The following ROR1 variants were observed in gnomAD, a reference collection of about 807,000 sequenced individuals.
ROR1 encodes inactive tyrosine-protein kinase transmembrane receptor ROR1.
Under a neutral mutation model 78.8 loss-of-function variants are expected in ROR1, and 19 were observed. That is an observed-to-expected ratio of 0.24 (90% CI 0.17 to 0.35). The LOEUF (loss-of-function observed/expected upper bound fraction) is 0.35, where lower values mean the gene tolerates loss of function less well. ROR1 is among the 10% of genes least tolerant of loss of function. ROR1 has a pLI of 1.00. For synonymous variants in ROR1, 386 were observed against 433.6 expected (o/e 0.89, Z 1.36); for missense variants, 917 against 1,177.8 (o/e 0.78, Z 3.24).
At position 64,181,282 on chromosome 1, in the gene ROR1, C is replaced by A. The variant is rs1474910058; in HGVS notation, c.*2427C>A. Reference sequence around the variant, plus strand: ...GGCAATTTTCAGATATCTCACCTTACCATATCTTTCCTTATTTTCACTGCA... The same window carrying A: ...GGCAATTTTCAGATATCTCACCTTAACATATCTTTCCTTATTTTCACTGCA... On this transcript the variant is annotated 3_prime_UTR_variant, in exon 9 of 9. Transcript: ENST00000371079. 1 of 152,096 alleles carries A rather than the reference C, an allele frequency of 6.6e-6. No homozygotes were observed. The highest frequency in any genetic ancestry group is 2.4e-5 in the African/African-American group (1 of 41,436). The allele number at this position is 152,096 out of a possible 1,614,324, so 9.4% of individuals were successfully genotyped here.
chr1:64,090,290 T>C (rs776765552), intron 4 of ROR1, among the ~76,000 whole-genome samples: 34 of 152,106 alleles, frequency 2.2e-4, no homozygotes, highest in Non-Finnish European at 3.2e-4. Flanking sequence ...TGACAGGCCT[T>C]GGGAAAAAAA....
At chr1:63,895,034 T>G (rs1645428591) in intron 1 of ROR1, among the ~76,000 whole-genome samples, 1 of 152,172 alleles carries the variant, frequency 6.6e-6, no homozygotes, top group South Asian at 2.1e-4. Flanking sequence ...ATAAAACATA[T>G]TTGGATGACA....
At position 63,996,273 on chromosome 1, in the gene ROR1, A is replaced by T. The variant is rs537148330; in HGVS notation, c.92-13032A>T. The stretch of plus-strand genomic sequence containing the variant: ...AACAGATAAAATACTGTGGGGTTTC[A>T]GAAGAGGGAGAAATTAAACTAAAAG... On this transcript the variant is annotated intron_variant, in intron 1 of 8. Coordinates refer to ENST00000371079, the MANE Select transcript of ROR1 (RefSeq NM_005012.4). Among the ~76,000 whole-genome samples, 16 of 152,298 alleles carry T rather than the reference A, an allele frequency of 1.1e-4. No homozygotes were observed. The South Asian group carries it at 3.3e-3, about 32-fold the overall frequency.
At chr1:64,096,992 A>G (rs1430498532) in intron 4 of ROR1, among the ~76,000 whole-genome samples, 1 of 152,078 alleles carries the variant, frequency 6.6e-6, no homozygotes, top group Non-Finnish European at 1.5e-5. Context: ...CAATGTAAAC[A>G]ATGATGACAA....
chr1:64,110,408 T>A (rs1569781234), intron 4 of ROR1, among the ~76,000 whole-genome samples: 1 of 152,220 alleles, frequency 6.6e-6, no homozygotes, highest in East Asian at 1.9e-4. Context: ...TCACACAGCC[T>A]ATCAGATATA....
intron 1 of ROR1, among the ~76,000 whole-genome samples, chr1:63,814,650 G>A (rs937808837): frequency 6.6e-6 from 1 of 151,872 alleles, no homozygotes; most frequent in East Asian, 1.9e-4. Context: ...CTCATAAGGA[G>A]CACGCAACTT....
intron 1 of ROR1, among the ~76,000 whole-genome samples, chr1:63,882,606 CA>C (rs1645330443): frequency 6.6e-6 from 1 of 152,092 alleles, no homozygotes; most frequent in Admixed American, 6.5e-5. Flanking sequence ...CTGAAACAAC[CA>C]ATTGTACAAG....
chr1:63,999,138 T>C (rs1281972659), intron 1 of ROR1, among the ~76,000 whole-genome samples: 1 of 152,234 alleles, frequency 6.6e-6, no homozygotes, highest in Non-Finnish European at 1.5e-5. Flanking sequence ...TACAGACGTA[T>C]ACATGGCCAA....
intron 1 of ROR1, among the ~76,000 whole-genome samples, chr1:63,902,367 G>C (rs1053243902): frequency 6.6e-6 from 1 of 151,700 alleles, no homozygotes; most frequent in Non-Finnish European, 1.5e-5. Flanking sequence ...GCCCAGGCAG[G>C]AGGGCAGTGG....
chr1:63,952,934 A>G (rs1340362988), intron 1 of ROR1, among the ~76,000 whole-genome samples: 1 of 152,168 alleles, frequency 6.6e-6, no homozygotes, highest in East Asian at 1.9e-4. Context: ...CTGCATAGCA[A>G]ACACACTGTT....
At chr1:64,022,430 CTAAA>C (rs1646572226) in intron 2 of ROR1, among the ~76,000 whole-genome samples, 1 of 152,154 alleles carries the variant, frequency 6.6e-6, no homozygotes, top group Non-Finnish European at 1.5e-5. Context: ...TAAGAAAACT[CTAAA>C]TAAACAAAAC....
chr1:64,005,632 GGAGTTCAGCTGAGATGT>G (rs1646421626), intron 1 of ROR1, among the ~76,000 whole-genome samples: 1 of 152,116 alleles, frequency 6.6e-6, no homozygotes, highest in African/African-American at 2.4e-5. Flanking sequence ...TGGAATTGAT[GGAGTTCAGCTGAGATGT>G]GCTTGATTTT....
At chr1:63,961,743 TTAGA>T (rs1453353663) in intron 1 of ROR1, among the ~76,000 whole-genome samples, 1 of 151,922 alleles carries the variant, frequency 6.6e-6, no homozygotes, top group Non-Finnish European at 1.5e-5. Flanking sequence ...GAAATTACGG[TTAGA>T]TAGGAGGAAT....
At chr1:63,828,972 C>G (rs1295541016) in intron 1 of ROR1, among the ~76,000 whole-genome samples, 1 of 152,168 alleles carries the variant, frequency 6.6e-6, no homozygotes, top group Non-Finnish European at 1.5e-5. Flanking sequence ...CTTTATTTTT[C>G]CATCATATCA....
chr1:63,795,344 T>C (rs937360162), intron 1 of ROR1, among the ~76,000 whole-genome samples: 1 of 152,238 alleles, frequency 6.6e-6, no homozygotes. Context: ...AGTATTTGCA[T>C]TGAATTTGTT....
Position 64,166,080 on chromosome 1 carries a change from A to C in ROR1, c.1386+6888A>C, listed in dbSNP as rs147732054. Among the ~76,000 whole-genome samples the C allele has an allele frequency of 3.6e-3, 555 of 152,350 alleles. 3 individuals carry two copies. Among genetic ancestry groups the C allele is most frequent in the Non-Finnish European group, 5.5e-3 (371 of 68,040 alleles). Reference sequence around the variant, plus strand: ...AAAGGGTCCAGTTTCAATCTTCTGCATATAGCTAGCCAGTTATCCCAGAAC... The same window carrying C: ...AAAGGGTCCAGTTTCAATCTTCTGCCTATAGCTAGCCAGTTATCCCAGAAC... On this transcript the variant is annotated intron_variant, in intron 8 of 8. Transcript: ENST00000371079.
chr1:63,953,003 T>C (rs1645953042), intron 1 of ROR1, among the ~76,000 whole-genome samples: 1 of 152,162 alleles, frequency 6.6e-6, no homozygotes, highest in Non-Finnish European at 1.5e-5. Flanking sequence ...ATGAAAATTA[T>C]GGGGCATTAA....
intron 2 of ROR1, among the ~76,000 whole-genome samples, chr1:64,021,477 A>G (rs186664867): frequency 8.5e-4 from 130 of 152,340 alleles, no homozygotes; most frequent in African/African-American, 3.1e-3. Flanking sequence ...TGTGGGAAGT[A>G]CTATTATACC....
chr1:63,967,972 C>A (rs1034860271), intron 1 of ROR1, among the ~76,000 whole-genome samples: 8 of 152,142 alleles, frequency 5.3e-5, no homozygotes, highest in Admixed American at 1.3e-4. Flanking sequence ...GTTCTTCTTA[C>A]AATAGATACA....
Sources: gnomAD v4.1 joint callset for allele counts (sites outside exome capture counted in the v4.1 genomes callset) on GRCh38, gnomAD v4.1.1 for gene constraint, MANE v1.5 for transcripts, NCBI Gene and HGNC (gene_info 2026-07-23, HGNC 2026-07-21) for gene names.